The following DMD variants were observed in gnomAD, a reference collection of about 807,000 sequenced individuals.
DMD encodes mutant dystrophin.
A neutral mutation model predicts 330.1 loss-of-function variants in DMD; 63 were observed. That is an observed-to-expected ratio of 0.19 (90% CI 0.16 to 0.24). The LOEUF (loss-of-function observed/expected upper bound fraction) is 0.24. DMD is among the 10% of genes least tolerant of loss of function. DMD has a pLI of 1.00. For synonymous variants in DMD, 1,223 were observed against 959.8 expected (o/e 1.27, Z -5.07); for missense variants, 3,344 against 2,684.1 (o/e 1.25, Z -5.43).
intron 7 of DMD, among the ~76,000 whole-genome samples, chrX:32,787,247 TGA>T (rs1214278194): frequency 0.055 from 4,217 of 77,165 alleles, 97 homozygotes; most frequent in Middle Eastern, 0.1. Flanking sequence ...TGTGTGTGTG[TGA>T]GAGAGAGAGA....
intron 7 of DMD, among the ~76,000 whole-genome samples, chrX:32,796,775 AGAG>A (rs1376223999): frequency 8.9e-6 from 1 of 112,159 alleles, no homozygotes; most frequent in African/African-American, 3.2e-5. Flanking sequence ...AATAAATCTA[AGAG>A]GATAGCTTAT....
At chrX:32,320,016 C>T (rs776029047) in intron 41 of DMD, among the ~76,000 whole-genome samples, 63 of 110,638 alleles carry the variant, frequency 5.7e-4, no homozygotes, top group Non-Finnish European at 1.1e-3. Flanking sequence ...CCACCTCACA[C>T]ACATACTTAT....
intron 1 of DMD, among the ~76,000 whole-genome samples, chrX:33,170,714 T>A (rs1169578402): frequency 1.8e-5 from 2 of 111,876 alleles, no homozygotes; most frequent in Non-Finnish European, 3.8e-5. Context: ...TACCTCTCAA[T>A]TCATGCTAGC....
Position 32,856,631 on chromosome X carries a change from C to CAG in DMD, c.94-6813_94-6812dup, listed in dbSNP as rs770521445. Among the ~76,000 whole-genome samples the CAG allele has an allele frequency of 2.1e-3, 239 of 111,731 alleles. 2 individuals are homozygous for CAG. Among genetic ancestry groups the CAG allele is most frequent in the African/African-American group, 7.5e-3 (230 of 30,710 alleles). On this transcript the variant is annotated intron_variant, in intron 2 of 78. Coordinates refer to ENST00000357033, the MANE Select transcript of DMD (RefSeq NM_004006.3). ...ATTAAAGCAATTGAACTCATGGAGA[C>CAG]AGAGAGTAGAATGATGTTTACCAGA...
At chrX:33,301,376 T>C (rs1245771313) in intron 1 of DMD, among the ~76,000 whole-genome samples, 1 of 101,511 alleles carries the variant, frequency 9.9e-6, no homozygotes, top group Admixed American at 1.1e-4. Context: ...TTATACTTCA[T>C]GGTATATTTT....
chrX:32,842,133 G>T (rs1340369011), intron 4 of DMD, among the ~76,000 whole-genome samples: 1 of 111,912 alleles, frequency 8.9e-6, no homozygotes, highest in African/African-American at 3.3e-5. Flanking sequence ...AAATGAGCAG[G>T]CAAGGGAGCC....
intron 1 of DMD, among the ~76,000 whole-genome samples, chrX:33,179,993 C>T (rs1449452424): frequency 1.8e-5 from 2 of 109,572 alleles, no homozygotes; most frequent in East Asian, 5.8e-4. Context: ...TGCACCACCA[C>T]GCCTGGCTAA....
chrX:32,181,046 T>C (rs988431436), intron 44 of DMD, among the ~76,000 whole-genome samples: 2 of 111,995 alleles, frequency 1.8e-5, no homozygotes, highest in Admixed American at 1.9e-4. Flanking sequence ...TTACTCATAA[T>C]AGCTAAAGTA....
At chrX:32,395,910 C>T (rs747941944) in intron 30 of DMD, among the ~76,000 whole-genome samples, 2 of 111,031 alleles carry the variant, frequency 1.8e-5, no homozygotes, top group African/African-American at 3.3e-5. Flanking sequence ...TTGCAAGAGA[C>T]CCTTCTATAA....
intron 2 of DMD, among the ~76,000 whole-genome samples, chrX:32,884,635 TCTA>T (rs1222747328): frequency 3.6e-5 from 4 of 111,928 alleles, no homozygotes; most frequent in African/African-American, 9.7e-5. Context: ...TGCTCAAGTT[TCTA>T]CTAAGCTATG....
intron 1 of DMD, among the ~76,000 whole-genome samples, chrX:33,288,677 G>A (rs540454772): frequency 3.6e-5 from 4 of 111,187 alleles, no homozygotes; most frequent in African/African-American, 9.8e-5. Flanking sequence ...CCCTAAGTTC[G>A]CTAATTCTTC....
intron 44 of DMD, among the ~76,000 whole-genome samples, chrX:32,192,480 G>A (rs2096980415): frequency 9.0e-6 from 1 of 111,731 alleles, no homozygotes; most frequent in African/African-American, 3.3e-5. Context: ...CTACCTATGT[G>A]GAATTGCTGC....
chrX:32,373,103 T>C (rs930524651), intron 34 of DMD, among the ~76,000 whole-genome samples: 1 of 110,303 alleles, frequency 9.1e-6, no homozygotes, highest in Non-Finnish European at 1.9e-5. Flanking sequence ...TTCAAGTAGA[T>C]GGTATCTTTA....
At chrX:31,529,874 G>C (rs1199719739) in intron 55 of DMD, among the ~76,000 whole-genome samples, 2 of 104,567 alleles carry the variant, frequency 1.9e-5, no homozygotes, top group Non-Finnish European at 3.9e-5. Flanking sequence ...TCCTAGAATA[G>C]CTTCTTGAAA....
intron 44 of DMD, among the ~76,000 whole-genome samples, chrX:32,107,103 G>A (rs2096567386): frequency 9.0e-6 from 1 of 110,814 alleles, no homozygotes; most frequent in African/African-American, 3.3e-5. Context: ...TTGATCTTAG[G>A]TACCACGTTC....
chrX:31,995,555 A>G (rs1490172575), intron 44 of DMD, among the ~76,000 whole-genome samples: 1 of 111,888 alleles, frequency 8.9e-6, no homozygotes, highest in Non-Finnish European at 1.9e-5. Flanking sequence ...CTAATCAGAA[A>G]TTGCTTTATC....
intron 9 of DMD, among the ~76,000 whole-genome samples, chrX:32,647,395 G>A (rs1226769064): frequency 9.0e-6 from 1 of 111,608 alleles, no homozygotes; most frequent in Non-Finnish European, 1.9e-5. Flanking sequence ...GTCTATAACT[G>A]AGTAAACAAG....
At chrX:32,533,609 T>C (rs1371304503) in intron 17 of DMD, among the ~76,000 whole-genome samples, 1 of 112,456 alleles carries the variant, frequency 8.9e-6, no homozygotes, top group Non-Finnish European at 1.9e-5. Flanking sequence ...GCAAGCTTCC[T>C]GAGGGAAAGC....
At chrX:33,282,123 G>C (rs964861649) in intron 1 of DMD, among the ~76,000 whole-genome samples, 4 of 110,605 alleles carry the variant, frequency 3.6e-5, no homozygotes, top group African/African-American at 1.3e-4. Context: ...TGTTTGCCCA[G>C]GTATCTCTGG....
Sources: allele counts gnomAD v4.1 joint callset (sites outside exome capture counted in the v4.1 genomes callset), GRCh38; gene constraint gnomAD v4.1.1; transcripts MANE v1.5; gene names NCBI Gene and HGNC (gene_info 2026-07-23, HGNC 2026-07-21).